Variants in UTS2 observed in about 807,000 individuals in gnomAD.
UTS2 encodes urotensin 2.
A neutral mutation model predicts 12.6 loss-of-function variants in UTS2; 10 were observed. That is an observed-to-expected ratio of 0.80 (90% CI 0.49 to 1.35). The LOEUF is 1.35. Ranked by LOEUF, UTS2 falls within the 40% of genes most tolerant of loss-of-function variation. The probability of loss-of-function intolerance (pLI) is 0.00; values close to 1 mark genes in which losing one functional copy is unlikely to be tolerated. For synonymous variants in UTS2, 52 were observed against 50.0 expected (o/e 1.04, Z -0.17); for missense variants, 142 against 143.2 (o/e 0.99, Z 0.04).
At chr1:7,876,458 G>A in the UTS2 span, among the ~76,000 whole-genome samples, 1,394 of 152,184 alleles carry the variant, frequency 9.2e-3, 19 homozygotes, top group African/African-American at 0.031. Flanking sequence ...GCATGGATTC[G>A]TTCACCACCA....
chr1:7,851,182 A>G (rs228649), intron 1 of UTS2, among the ~76,000 whole-genome samples: 148,059 of 152,356 alleles, frequency 0.97, 71,973 homozygotes, highest in East Asian at 1. Context: ...TGCCTCGAAC[A>G]AGAGCTGAGG....
At chr1:7,853,577 C>T, upstream of UTS2, 2 of 1,176,436 alleles carry the variant, frequency 1.7e-6, no homozygotes, top group Non-Finnish European at 1.2e-6. Context: ...GCAAACATTG[C>T]TCCAGGCTCA....
At chr1:7,881,886 A>G in the UTS2 span, among the ~76,000 whole-genome samples, 1 of 152,206 alleles carries the variant, frequency 6.6e-6, no homozygotes, top group South Asian at 2.1e-4. Flanking sequence ...AACATCCTAT[A>G]AAGTTAGTAA....
the UTS2 span, among the ~76,000 whole-genome samples, chr1:7,861,634 C>T: frequency 6.6e-5 from 10 of 152,146 alleles, no homozygotes; most frequent in South Asian, 6.2e-4. Flanking sequence ...CCCAGGTCAA[C>T]GCTAGTGAGT....
chr1:7,874,431 A>G, the UTS2 span, among the ~76,000 whole-genome samples: 2 of 152,208 alleles, frequency 1.3e-5, no homozygotes, highest in East Asian at 3.9e-4. Flanking sequence ...CTGCATCTCC[A>G]CATCCATGGA....
chr1:7,869,806 T>A, the UTS2 span, among the ~76,000 whole-genome samples: 1 of 152,232 alleles, frequency 6.6e-6, no homozygotes, highest in Admixed American at 6.5e-5. Context: ...GAGGTTTGAT[T>A]GAGAGAGGTC....
At chr1:7,862,953 T>C in the UTS2 span, among the ~76,000 whole-genome samples, 1 of 152,036 alleles carries the variant, frequency 6.6e-6, no homozygotes, top group African/African-American at 2.4e-5. Flanking sequence ...ACGTTTCCAA[T>C]AAGGCCTACC....
At chr1:7,889,126 T>G in the UTS2 span, among the ~76,000 whole-genome samples, 1 of 150,124 alleles carries the variant, frequency 6.7e-6, no homozygotes, top group African/African-American at 2.5e-5. Context: ...TGAAAAAGTG[T>G]AACAAAGTAG....
the UTS2 span, among the ~76,000 whole-genome samples, chr1:7,889,389 C>A: frequency 2.8e-5 from 4 of 144,538 alleles, no homozygotes; most frequent in Admixed American, 1.5e-4. Flanking sequence ...CTGCAGTGAG[C>A]CGAGATTGCA....
chr1:7,873,786 T>C, the UTS2 span, among the ~76,000 whole-genome samples: 4 of 152,174 alleles, frequency 2.6e-5, no homozygotes, highest in African/African-American at 7.2e-5. Flanking sequence ...TGATAAAGCA[T>C]TGGCAGGGTT....
the UTS2 span, among the ~76,000 whole-genome samples, chr1:7,910,008 GA>G: frequency 6.6e-6 from 1 of 152,130 alleles, no homozygotes; most frequent in Non-Finnish European, 1.5e-5. Context: ...AGCCATCCAG[GA>G]ACTTGCCTTT....
the UTS2 span, among the ~76,000 whole-genome samples, chr1:7,909,652 A>G: frequency 2.0e-5 from 3 of 151,490 alleles, no homozygotes; most frequent in Non-Finnish European, 4.4e-5. Flanking sequence ...ACGGAGTCTC[A>G]CTCTGTCACC....
the UTS2 span, among the ~76,000 whole-genome samples, chr1:7,909,770 A>G: frequency 2.0e-5 from 3 of 151,752 alleles, no homozygotes; most frequent in East Asian, 2.0e-4. Context: ...ACAGGCGCCC[A>G]CCACCACGCC....
the UTS2 span, among the ~76,000 whole-genome samples, chr1:7,904,128 G>A: frequency 6.6e-6 from 1 of 151,768 alleles, no homozygotes; most frequent in African/African-American, 2.4e-5. Context: ...ACCTAATTTT[G>A]GGGGAGTTCT....
the UTS2 span, among the ~76,000 whole-genome samples, chr1:7,884,260 G>T: frequency 6.7e-6 from 1 of 150,008 alleles, no homozygotes; most frequent in Non-Finnish European, 1.5e-5. Flanking sequence ...TAAAGAACAT[G>T]TTTTCTGTGT....
chr1:7,871,586 TA>T, the UTS2 span, among the ~76,000 whole-genome samples: 3 of 149,352 alleles, frequency 2.0e-5, no homozygotes, highest in Non-Finnish European at 4.4e-5. Flanking sequence ...TTTTTTTTTT[TA>T]AATTGAAGGT....
the UTS2 span, among the ~76,000 whole-genome samples, chr1:7,881,939 A>C: frequency 6.6e-6 from 1 of 152,232 alleles, no homozygotes; most frequent in African/African-American, 2.4e-5. Context: ...CACATAGACC[A>C]ATGGAAAAGC....
chr1:7,887,629 G>A, the UTS2 span, among the ~76,000 whole-genome samples: 1 of 149,288 alleles, frequency 6.7e-6, no homozygotes, highest in Non-Finnish European at 1.5e-5. Flanking sequence ...AGCTGGACAT[G>A]GTAGCACATG....
chr1:7,864,683 G>T, the UTS2 span, among the ~76,000 whole-genome samples: 119 of 152,130 alleles, frequency 7.8e-4, 2 homozygotes, highest in Non-Finnish European at 4.6e-4. Flanking sequence ...AAAATCATTC[G>T]CACCTTCCCG....
Sources: gnomAD v4.1 joint callset for allele counts (sites outside exome capture counted in the v4.1 genomes callset) on GRCh38, gnomAD v4.1.1 for gene constraint, MANE v1.5 for transcripts, NCBI Gene and HGNC (gene_info 2026-07-23, HGNC 2026-07-21) for gene names.